Variants in PCDHGA6 observed in about 807,000 individuals in gnomAD.
PCDHGA6 encodes the protein protocadherin gamma-A6.
In PCDHGA6, 41 loss-of-function variants were observed where a neutral mutation model predicts 60.6. The ratio of observed to expected loss-of-function variants is 0.68; its 90% CI spans 0.53 to 0.88. The LOEUF (loss-of-function observed/expected upper bound fraction) is 0.88. Ranked by LOEUF, PCDHGA6 falls within the 40% of genes least tolerant of loss-of-function variation. The probability of loss-of-function intolerance (pLI) is 0.00; values close to 1 mark genes in which losing one functional copy is unlikely to be tolerated. For synonymous variants in PCDHGA6, 594 were observed against 524.4 expected (o/e 1.13, Z -1.81); for missense variants, 1,312 against 1,203.0 (o/e 1.09, Z -1.34).
chr5:141,384,022 G>C, intron 1 of PCDHGA6: 3 of 1,613,680 alleles, frequency 1.9e-6, no homozygotes, highest in Non-Finnish European at 2.5e-6. Context: ...ACAAGACAGA[G>C]ATTCTGGAAA....
chr5:141,423,234 C>T, intron 1 of PCDHGA6: 1 of 1,613,918 alleles, frequency 6.2e-7, no homozygotes, highest in South Asian at 1.1e-5. Context: ...CCGACAGCAT[C>T]CCCGAAGTCC....
At position 141,431,020 on chromosome 5, in the gene PCDHGA6, G is replaced by T. The variant is rs941765907; in HGVS notation, c.2424+54513G>T. ...CGCGCAGCGGCAGCTTGGTCACGGCGGGCAGGATAGACCGGGAGGAGCTCT... is the reference window on the plus strand; with the variant it reads ...CGCGCAGCGGCAGCTTGGTCACGGCTGGCAGGATAGACCGGGAGGAGCTCT... On this transcript the variant is annotated intron_variant, in intron 1 of 3. Coordinates refer to ENST00000517434, the MANE Select transcript of PCDHGA6 (RefSeq NM_018919.3). This position sits in a 1 kb window ranked among gnomAD's most constrained non-coding sequence, Gnocchi z 4.8. 2.5e-6 allele frequency: 4 copies of T among 1,614,050 alleles called. No homozygotes were observed. The East Asian group carries it at 8.9e-5, about 36-fold the overall frequency.
chr5:141,431,397 C>A lies in PCDHGA6; in HGVS notation c.2424+54890C>A. ...AAGGCTGCTCACCACCTGGTCCTTA[C>A]GGCCTCCGACGGGGGCGACCCGGTG... On this transcript the variant is annotated intron_variant, in intron 1 of 3. Coordinates refer to ENST00000517434, the MANE Select transcript of PCDHGA6 (RefSeq NM_018919.3). The surrounding 1 kb of genome is among the most constrained non-coding windows in gnomAD (Gnocchi z 4.8). 3.1e-6 allele frequency: 5 copies of A among 1,613,782 alleles called. No individual in the cohort carries two copies. Among genetic ancestry groups the A allele is most frequent in the Non-Finnish European group, 4.2e-6 (5 of 1,180,034 alleles).
At chr5:141,495,779 C>A (rs529564820) in intron 2 of PCDHGA6, among the ~76,000 whole-genome samples, 53 of 152,094 alleles carry the variant, frequency 3.5e-4, no homozygotes, top group Non-Finnish European at 4.6e-4. Flanking sequence ...TCCTGGACCT[C>A]TTTTCTGTTT....
At chr5:141,419,034 T>C in intron 1 of PCDHGA6, 1 of 1,613,902 alleles carries the variant, frequency 6.2e-7, no homozygotes, top group Non-Finnish European at 8.5e-7. Flanking sequence ...GGTGTTCCAT[T>C]TAAGATTCAT....
chr5:141,502,062 A>G (rs530211521), intron 2 of PCDHGA6, among the ~76,000 whole-genome samples: 2 of 152,146 alleles, frequency 1.3e-5, no homozygotes, highest in South Asian at 4.2e-4. Flanking sequence ...TATTCCCATT[A>G]GCCCCCTTCA....
Position 141,477,656 on chromosome 5 carries a change from C to T in PCDHGA6, c.2425-17151C>T, listed in dbSNP as rs755621234. The T allele has an allele frequency of 1.9e-6, 3 of 1,614,184 alleles. No homozygotes were observed. The South Asian group carries it at 3.3e-5, about 18-fold the overall frequency. ...AGTGGGTCGCTATTTCACAATAAATCGTGACAATGGCATAGTGTCATCCTT... is the reference window on the plus strand; with the variant it reads ...AGTGGGTCGCTATTTCACAATAAATTGTGACAATGGCATAGTGTCATCCTT... On this transcript the variant is annotated intron_variant, in intron 1 of 3. Transcript: ENST00000517434. The surrounding 1 kb of genome is among the most constrained non-coding windows in gnomAD (Gnocchi z 4.9).
At position 141,420,290 on chromosome 5, in the gene PCDHGA6, T is replaced by C. The variant is rs563124810; in HGVS notation, c.2424+43783T>C. 1.3e-5 allele frequency: 19 copies of C among 1,496,908 alleles called. No individual in the cohort carries two copies. The East Asian group carries it at 3.9e-4, about 30-fold the overall frequency. 92.7% of individuals were successfully genotyped at this position (1,496,908 alleles called of 1,614,324 possible). A position where few individuals can be genotyped will look rare whatever the true frequency, so the allele number is the denominator to read the frequency against. ...TCTTAAACAGGTAAGTATTTAAAAA[T>C]GTATTTAATCCTTTTTATATTACAA... On this transcript the variant is annotated intron_variant, in intron 1 of 3. Transcript: ENST00000517434.
chr5:141,426,691 G>A, intron 1 of PCDHGA6: 1 of 435,886 alleles, frequency 2.3e-6, no homozygotes, highest in South Asian at 1.6e-5. Context: ...CCCCAAAATA[G>A]CATTGTTTTA....
chr5:141,420,857 C>T (rs1342820721), intron 1 of PCDHGA6, among the ~76,000 whole-genome samples: 1 of 152,220 alleles, frequency 6.6e-6, no homozygotes, highest in Non-Finnish European at 1.5e-5. Context: ...AAAGTTTTAA[C>T]GTCACATAAT....
chr5:141,398,344 C>T (rs901692894), intron 1 of PCDHGA6: 2 of 1,372,186 alleles, frequency 1.5e-6, no homozygotes, highest in Non-Finnish European at 2.0e-6. Context: ...TTCGGAGAAG[C>T]CTTACTTCAC....
intron 1 of PCDHGA6, among the ~76,000 whole-genome samples, chr5:141,481,913 C>CAAAA (rs34114744): frequency 1.1e-5 from 1 of 90,846 alleles, no homozygotes; most frequent in African/African-American, 4.2e-5. Context: ...AACTCCATCT[C>CAAAA]AAAAAAAAAA....
chr5:141,413,117 C>A, intron 1 of PCDHGA6: 1 of 1,509,120 alleles, frequency 6.6e-7, no homozygotes, highest in Non-Finnish European at 8.9e-7. Context: ...ACAAAGGAAC[C>A]GGTTGAAACA....
intron 1 of PCDHGA6, chr5:141,426,221 A>G (rs1279749881): frequency 6.3e-6 from 1 of 158,300 alleles, no homozygotes; most frequent in Non-Finnish European, 1.4e-5. Context: ...GGAAGTAAAT[A>G]TTTTAAAAGC....
At chr5:141,482,611 G>T (rs1016481108) in intron 1 of PCDHGA6, among the ~76,000 whole-genome samples, 1 of 150,398 alleles carries the variant, frequency 6.6e-6, no homozygotes, top group Admixed American at 6.6e-5. Context: ...ACACCTAAAT[G>T]AGCCTGGAGA....
Position 141,374,093 on chromosome 5 carries a change from C to G in PCDHGA6, c.10C>G (p.Pro4Ala), listed in dbSNP as rs1039229802. 2 of 1,554,704 alleles carry G rather than the reference C, an allele frequency of 1.3e-6. No homozygotes were observed. Among genetic ancestry groups the G allele is most frequent in the South Asian group, 1.2e-5 (1 of 82,544 alleles). MAP[P>A]QRHPQRSEQV... ...TCCTAATAAGCCAGTAATGGCGCCT[C>G]CGCAGAGGCATCCGCAGCGCAGCGA... Residue 4 changes from proline to alanine, a missense_variant, in exon 1 of 4, where the codon CCG (proline) becomes GCG (alanine). Coordinates refer to ENST00000517434, the MANE Select transcript of PCDHGA6 (RefSeq NM_018919.3).
intron 1 of PCDHGA6, among the ~76,000 whole-genome samples, chr5:141,380,043 G>A (rs1366839689): frequency 6.6e-6 from 1 of 151,834 alleles, no homozygotes; most frequent in Non-Finnish European, 1.5e-5. Context: ...GGGATTACAG[G>A]TGCATGCCAC....
chr5:141,457,868 G>T lies in PCDHGA6; in HGVS notation c.2425-36939G>T, dbSNP rs1479066479. ...AAAGTGACATTCTTCACTGACCACA[G>T]GTTAGGAACCCTGTGTGGGGACTGT... On this transcript the variant is annotated intron_variant, in intron 1 of 3. Transcript: ENST00000517434. Among the ~76,000 whole-genome samples the T allele has an allele frequency of 2.0e-5, 3 of 152,346 alleles. No individual in the cohort carries two copies. In the East Asian group the frequency reaches 5.8e-4, roughly 29 times the overall value.
intron 1 of PCDHGA6, among the ~76,000 whole-genome samples, chr5:141,472,611 G>T (rs1055885253): frequency 1.3e-5 from 2 of 151,938 alleles, no homozygotes; most frequent in South Asian, 4.1e-4. Context: ...ATAAAACAAA[G>T]AAGAAAAAAG....
Sources: gnomAD v4.1 joint callset for allele counts (sites outside exome capture counted in the v4.1 genomes callset) on GRCh38, gnomAD v4.1.1 for gene constraint, Gnocchi (gnomAD v3.1) non-coding constraint, MANE v1.5 for transcripts, NCBI Gene and HGNC (gene_info 2026-07-23, HGNC 2026-07-21) for gene names.